The following UBA6 variants were observed in gnomAD, a reference collection of about 807,000 sequenced individuals.
UBA6 encodes ubiquitin-like modifier-activating enzyme 6.
In UBA6, 87 loss-of-function variants were observed where a neutral mutation model predicts 148.3. The observed-to-expected ratio is 0.59, with a 90% CI of 0.49 to 0.70. The LOEUF (loss-of-function observed/expected upper bound fraction) is 0.70, where lower values mean the gene tolerates loss of function less well. Ranked by LOEUF, UBA6 falls within the 30% of genes least tolerant of loss-of-function variation. UBA6 has a pLI of 0.00. For synonymous variants in UBA6, 376 were observed against 401.0 expected (o/e 0.94, Z 0.75); for missense variants, 1,186 against 1,241.2 (o/e 0.96, Z 0.67).
chr4:67,643,179 G>A (rs1038795881), intron 17 of UBA6, among the ~76,000 whole-genome samples: 12 of 151,654 alleles, frequency 7.9e-5, no homozygotes, highest in Admixed American at 7.9e-4. Flanking sequence ...TTGTGCACAT[G>A]TACCCTAAAA....
At chr4:67,650,379 T>C (rs1366164665) in intron 13 of UBA6, among the ~76,000 whole-genome samples, 1 of 152,176 alleles carries the variant, frequency 6.6e-6, no homozygotes. Context: ...TCCAACTTTA[T>C]AGGTTTATTC....
chr4:67,664,714 GT>G (rs1171569948), intron 10 of UBA6, among the ~76,000 whole-genome samples: 1 of 151,526 alleles, frequency 6.6e-6, no homozygotes, highest in Non-Finnish European at 1.5e-5. Flanking sequence ...CATATATACT[GT>G]TTTTTGAAAT....
intron 1 of UBA6, among the ~76,000 whole-genome samples, chr4:67,697,745 A>G (rs1383715080): frequency 1.3e-5 from 2 of 152,198 alleles, no homozygotes; most frequent in Non-Finnish European, 2.9e-5. Flanking sequence ...AATCAGTACA[A>G]TCTCAAGCCA....
chr4:67,665,414 T>G (rs1424782671), intron 9 of UBA6, 122 bp from the exon 10 acceptor site: 64 of 485,974 alleles, frequency 1.3e-4, no homozygotes, highest in Middle Eastern at 1.1e-3. Context: ...CAGCATAGTG[T>G]TTTTTTTTGT....
At chr4:67,676,142 G>A (rs1020893399) in intron 6 of UBA6, among the ~76,000 whole-genome samples, 1 of 150,214 alleles carries the variant, frequency 6.7e-6, no homozygotes, top group Non-Finnish European at 1.5e-5. Flanking sequence ...TCCTGCCTCA[G>A]CCTCCCGAGT....
chr4:67,659,651 C>CTATTTTATATAGGAATATATAAAATAAAT (rs1729799237), intron 13 of UBA6, among the ~76,000 whole-genome samples: 1 of 17,820 alleles, frequency 5.6e-5, no homozygotes, highest in Non-Finnish European at 1.3e-4. Context: ...TTTTATATAG[C>CTATTTTATATAGGAATATATAAAATAAAT]ATATGCAGTG....
At chr4:67,693,124 C>T (rs867402155) in intron 2 of UBA6, among the ~76,000 whole-genome samples, 52 of 152,114 alleles carry the variant, frequency 3.4e-4, no homozygotes, top group African/African-American at 1.2e-3. Context: ...CCTTCTGCCT[C>T]CACCTCTTTT....
intron 19 of UBA6, among the ~76,000 whole-genome samples, chr4:67,636,855 C>T (rs1194883373): frequency 2.0e-5 from 3 of 151,424 alleles, no homozygotes; most frequent in East Asian, 2.0e-4. Context: ...GGCCGCCCAT[C>T]GTCTGGGATG....
At chr4:67,678,082 A>G (rs898006739) in intron 5 of UBA6, among the ~76,000 whole-genome samples, 1 of 147,232 alleles carries the variant, frequency 6.8e-6, no homozygotes, top group Non-Finnish European at 1.5e-5. Context: ...TTATATATAT[A>G]ATATATATAA....
At chr4:67,693,508 T>G (rs930483929) in intron 2 of UBA6, among the ~76,000 whole-genome samples, 1 of 151,900 alleles carries the variant, frequency 6.6e-6, no homozygotes, top group African/African-American at 2.4e-5. Flanking sequence ...GGTAGGGGAG[T>G]TGGCACTCCT....
At chr4:67,671,747 A>G (rs1409086669) in intron 7 of UBA6, among the ~76,000 whole-genome samples, 1 of 152,192 alleles carries the variant, frequency 6.6e-6, no homozygotes, top group Non-Finnish European at 1.5e-5. Flanking sequence ...AACTCAAAGA[A>G]ACAAGTAGCT....
chr4:67,614,465 A>C lies in UBA6; in HGVS notation c.*4532T>G, dbSNP rs1275280283. ...ACAGATGTTGATGAAATCTGTATTC[A>C]CATACGGGTATAATACATGACTTTG... On this transcript the variant is annotated 3_prime_UTR_variant, in exon 33 of 33. Coordinates refer to ENST00000322244, the MANE Select transcript of UBA6 (RefSeq NM_018227.6). The C allele has an allele frequency of 1.3e-5, 2 of 152,166 alleles. No homozygotes were observed. The highest frequency in any genetic ancestry group is 2.9e-5 in the Non-Finnish European group (2 of 68,036). The allele number at this position is 152,166 out of a possible 1,614,324, so 9.4% of individuals were successfully genotyped here.
intron 13 of UBA6, among the ~76,000 whole-genome samples, chr4:67,654,286 A>T (rs1003082401): frequency 6.6e-6 from 1 of 152,224 alleles, no homozygotes; most frequent in Non-Finnish European, 1.5e-5. Context: ...GCAGCCAGAG[A>T]GAGAGATTGG....
chr4:67,659,603 ACT>A (rs1729789426), intron 13 of UBA6, among the ~76,000 whole-genome samples: 1 of 9,984 alleles, frequency 1.0e-4, no homozygotes, highest in African/African-American at 4.5e-4. Context: ...AATACCCAAA[ACT>A]GGGTATTTTA....
intron 13 of UBA6, among the ~76,000 whole-genome samples, chr4:67,655,959 GACACATAC>G (rs1369937632): frequency 6.6e-6 from 1 of 152,142 alleles, no homozygotes; most frequent in East Asian, 1.9e-4. Context: ...TAAATTCCTG[GACACATAC>G]ACCCTCCCAA....
chr4:67,688,201 T>C (rs1333813859), intron 2 of UBA6, among the ~76,000 whole-genome samples: 1 of 152,084 alleles, frequency 6.6e-6, no homozygotes, highest in African/African-American at 2.4e-5. Flanking sequence ...AAGAACAGAA[T>C]AGATAAAAAT....
chr4:67,638,525 T>C (rs753913104), intron 19 of UBA6, among the ~76,000 whole-genome samples: 1 of 152,160 alleles, frequency 6.6e-6, no homozygotes, highest in Non-Finnish European at 1.5e-5. Flanking sequence ...TCAGGTAGCC[T>C]TTCTCTCCTG....
At chr4:67,678,175 A>G (rs1467619663) in intron 5 of UBA6, among the ~76,000 whole-genome samples, 1 of 148,818 alleles carries the variant, frequency 6.7e-6, no homozygotes, top group African/African-American at 2.4e-5. Flanking sequence ...ATAATTAAGT[A>G]TATATCAATA....
chr4:67,617,411 G>A lies in UBA6; in HGVS notation c.*1586C>T, dbSNP rs939697629. ...ACTTGGGATATGCACAATGGGAAAG[G>A]GTAGGATATGTGAACAAAATTTAAT... On this transcript the variant is annotated 3_prime_UTR_variant, in exon 33 of 33. Coordinates refer to ENST00000322244, the MANE Select transcript of UBA6 (RefSeq NM_018227.6). 2 of 151,978 alleles carry A rather than the reference G, an allele frequency of 1.3e-5. No individual in the cohort carries two copies. The highest frequency in any genetic ancestry group is 4.8e-5 in the African/African-American group (2 of 41,406). The allele number at this position is 151,978 out of a possible 1,614,324, so 9.4% of individuals were successfully genotyped here. A position where few individuals can be genotyped will look rare whatever the true frequency, so the allele number is the denominator to read the frequency against.
Sources: gnomAD v4.1 joint callset for allele counts (sites outside exome capture counted in the v4.1 genomes callset) on GRCh38, gnomAD v4.1.1 for gene constraint, MANE v1.5 for transcripts, NCBI Gene and HGNC (gene_info 2026-07-23, HGNC 2026-07-21) for gene names.